Variants in TRIP10 observed in about 807,000 individuals in gnomAD.
TRIP10 encodes cdc42-interacting protein 4.
In TRIP10, 54 loss-of-function variants were observed where a neutral mutation model predicts 80.9. The ratio of observed to expected loss-of-function variants is 0.67; its 90% CI spans 0.54 to 0.84. The LOEUF (loss-of-function observed/expected upper bound fraction) is 0.84, where lower values mean the gene tolerates loss of function less well. Among genes scored for constraint, TRIP10 ranks in the 40% least tolerant of loss-of-function variants. The pLI, the probability that TRIP10 is intolerant of heterozygous loss-of-function variation, is 0.00. For missense variants in TRIP10, 773 were observed against 815.3 expected (o/e 0.95, Z 0.63); for synonymous variants, 321 against 307.2 (o/e 1.04, Z -0.47).
chr19:6,746,207 C>G lies in TRIP10; in HGVS notation c.1152+11C>G. 1 of 1,518,388 alleles carries G rather than the reference C, an allele frequency of 6.6e-7. No individual in the cohort carries two copies. The highest frequency in any genetic ancestry group is 1.4e-5 in the African/African-American group (1 of 72,394). The allele number at this position is 1,518,388 out of a possible 1,614,324, so 94.1% of individuals were successfully genotyped here. A position where few individuals can be genotyped will look rare whatever the true frequency, so the allele number is the denominator to read the frequency against. Reference sequence around the variant, plus strand: ...CGAGGCAGCCGTGGGGTAAGTGAGGCCTCGGGGCAGGAGGAGGTGGTGGCC... The same window carrying G: ...CGAGGCAGCCGTGGGGTAAGTGAGGGCTCGGGGCAGGAGGAGGTGGTGGCC... On this transcript the variant is annotated intron_variant, in intron 10 of 14. Transcript: ENST00000313244. The surrounding 1 kb of genome is among the most constrained non-coding windows in gnomAD (Gnocchi z 6.2).
At position 6,745,150 on chromosome 19, in the gene TRIP10, C is replaced by T. The variant is rs1012679478; in HGVS notation, c.984+156C>T. The T allele has an allele frequency of 1.1e-4, 120 of 1,114,278 alleles. 1 individual carries two copies. The highest frequency in any genetic ancestry group is 1.3e-4 in the Non-Finnish European group (104 of 811,004). The allele number at this position is 1,114,278 out of a possible 1,614,324, so 69.0% of individuals were successfully genotyped here. A position where few individuals can be genotyped will look rare whatever the true frequency, so the allele number is the denominator to read the frequency against. The stretch of plus-strand genomic sequence containing the variant: ...CCGGACTGGAGGGAAGGAAGGCGGC[C>T]GATTGGCCTGGGAGTCCCCCGAGGC... On this transcript the variant is annotated intron_variant, in intron 9 of 14. Transcript: ENST00000313244. This position sits in a 1 kb window ranked among gnomAD's most constrained non-coding sequence, Gnocchi z 7.2.
Position 6,746,096 on chromosome 19 carries a change from C to G in TRIP10, c.1052C>G (p.Ser351Cys). 1.9e-6 allele frequency: 3 copies of G among 1,541,718 alleles called. No individual in the cohort carries two copies. The highest frequency in any genetic ancestry group is 2.6e-6 in the Non-Finnish European group (3 of 1,143,028). The change falls in exon 10 of 15, where the codon TCC becomes TGC. Residue 351 changes from serine to cysteine, a missense_variant. Ser to Cys is a moderately radical substitution (Grantham distance 112, BLOSUM62 -1). Coordinates refer to ENST00000313244, the MANE Select transcript of TRIP10 (RefSeq NM_001288962.2). The surrounding 1 kb of genome is among the most constrained non-coding windows in gnomAD (Gnocchi z 6.2). ...VPSALPNGPP[S>C]PRSGRDPLAI... ...TCGGCATTGCCTAACGGACCCCCGT[C>G]CCCCCGCTCCGGCCGTGACCCCTTG...
In TRIP10 at chr19:6,744,578, A is replaced by G. The variant is rs751221420; in HGVS notation, c.667A>G (p.Arg223Gly). Residue 223 changes from arginine (R) to glycine (G), a missense_variant, in exon 8 of 15, where the codon AGG (arginine) becomes GGG (glycine). Transcript: ENST00000313244. This position sits in a 1 kb window ranked among gnomAD's most constrained non-coding sequence, Gnocchi z 4.9. ...FDKLQDMDERRATRLGAGYGL... is the reference protein window; with the variant it reads ...FDKLQDMDERGATRLGAGYGL... ...GAAGCTCCAAGACATGGATGAACGC[A>G]GGGCCACCCGCCTGGGTGCCGGGTA... The G allele has an allele frequency of 1.9e-6, 3 of 1,614,174 alleles. No homozygotes were observed. The Admixed American group carries it at 5.0e-5, about 27-fold the overall frequency.
intron 11 of TRIP10, 101 bp from the exon 12 acceptor site, chr19:6,749,831 AAG>A: frequency 1.4e-6 from 2 of 1,476,668 alleles, no homozygotes; most frequent in South Asian, 2.6e-5. Context: ...AGCCTGGGGA[AAG>A]AGTCAGAATG....
rs1186650750 is a variant in TRIP10, at chr19:6,750,285, C to A, written c.1396-7C>A. The stretch of plus-strand genomic sequence containing the variant: ...CCTGGAACGATTTTCCTGTCCCCTC[C>A]TCCCAGGCGTGGCTGGCAGAAGCTG... On this transcript the variant is annotated splice_polypyrimidine_tract_variant and splice_region_variant and intron_variant, in intron 12 of 14. Transcript: ENST00000313244. 6.2e-7 allele frequency: 1 copy of A among 1,613,740 alleles called. No individual in the cohort carries two copies. The highest frequency in any genetic ancestry group is 1.3e-5 in the African/African-American group (1 of 74,926).
Position 6,750,276 on chromosome 19 carries a change from T to C in TRIP10, c.1396-16T>C, listed in dbSNP as rs1229559716. 18 of 1,613,420 alleles carry C rather than the reference T, an allele frequency of 1.1e-5. No homozygotes were observed. The highest frequency in any genetic ancestry group is 1.7e-5 in the Admixed American group (1 of 59,944). On this transcript the variant is annotated splice_polypyrimidine_tract_variant and intron_variant, in intron 12 of 14. Transcript: ENST00000313244. Reference sequence around the variant, plus strand: ...GAGCTCTGCCCTGGAACGATTTTCCTGTCCCCTCCTCCCAGGCGTGGCTGG... The same window carrying C: ...GAGCTCTGCCCTGGAACGATTTTCCCGTCCCCTCCTCCCAGGCGTGGCTGG...
chr19:6,751,012 T>A (rs530724847), intron 14 of TRIP10, 51 bp from the exon 15 acceptor site: 5 of 1,463,294 alleles, frequency 3.4e-6, no homozygotes, highest in Non-Finnish European at 4.5e-6. Flanking sequence ...AAAATAAAAA[T>A]AATAAATTTT....
Position 6,746,252 on chromosome 19 carries a change from G to A in TRIP10, c.1152+56G>A, listed in dbSNP as rs1027261785. 30 of 1,484,070 alleles carry A rather than the reference G, an allele frequency of 2.0e-5. No individual in the cohort carries two copies. The highest frequency in any genetic ancestry group is 5.4e-6 in the Non-Finnish European group (6 of 1,111,622). 91.9% of individuals were successfully genotyped at this position (1,484,070 alleles called of 1,614,324 possible). A position where few individuals can be genotyped will look rare whatever the true frequency, so the allele number is the denominator to read the frequency against. ...GTGGCCCTAGCCTGCCCAGCGGCGGGTGGCGGGACCCTGGGCTCGCTTCCT... is the reference window on the plus strand; with the variant it reads ...GTGGCCCTAGCCTGCCCAGCGGCGGATGGCGGGACCCTGGGCTCGCTTCCT... On this transcript the variant is annotated intron_variant, in intron 10 of 14. Transcript: ENST00000313244. The surrounding 1 kb of genome is among the most constrained non-coding windows in gnomAD (Gnocchi z 6.2).
intron 1 of TRIP10, chr19:6,740,758 G>A (rs188935319): frequency 5.8e-6 from 3 of 518,134 alleles, no homozygotes; most frequent in African/African-American, 1.9e-5. Flanking sequence ...GCGGTCCTAT[G>A]TCGGAGACCT....
intron 11 of TRIP10, 79 bp from the exon 12 acceptor site, chr19:6,749,855 C>CAAACA (rs1349707360): frequency 4.5e-6 from 7 of 1,553,730 alleles, no homozygotes; most frequent in East Asian, 4.5e-5. Flanking sequence ...GACCCTGACT[C>CAAACA]AAACAAAACA....
Position 6,751,495 on chromosome 19 carries a change from AAG to A in TRIP10, c.*286_*287del, listed in dbSNP as rs1272826014. The A allele has an allele frequency of 1.2e-5, 8 of 676,558 alleles. No individual in the cohort carries two copies. The Admixed American group carries it at 1.3e-4, about 11-fold the overall frequency. The allele number at this position is 676,558 out of a possible 1,614,324, so 41.9% of individuals were successfully genotyped here. A position where few individuals can be genotyped will look rare whatever the true frequency, so the allele number is the denominator to read the frequency against. On this transcript the variant is annotated 3_prime_UTR_variant, in exon 15 of 15. Transcript: ENST00000313244. Reference sequence around the variant, plus strand: ...TTATACAAAAATGGGAAAAAAAAAAAAGAAATTATATAAAGTTCCTAGAGTCG... The same window carrying A: ...TTATACAAAAATGGGAAAAAAAAAAAAAATTATATAAAGTTCCTAGAGTCG...
At position 6,742,955 on chromosome 19, in the gene TRIP10, A is replaced by T. The variant is rs778109555; in HGVS notation, c.198-12A>T. The T allele has an allele frequency of 1.2e-6, 2 of 1,613,424 alleles. No individual in the cohort carries two copies. The highest frequency in any genetic ancestry group is 1.7e-6 in the Non-Finnish European group (2 of 1,179,842). On this transcript the variant is annotated splice_polypyrimidine_tract_variant and intron_variant, in intron 3 of 14. Coordinates refer to ENST00000313244, the MANE Select transcript of TRIP10 (RefSeq NM_001288962.2). ...CCTGACTCCCTGTTCCCCGATTCTC[A>T]TCCAACCCCAGATTCAGCCAGCAAC... is the stretch of plus-strand genomic sequence containing the variant.
At chr19:6,747,962 A>G (rs1478837759) in intron 11 of TRIP10, among the ~76,000 whole-genome samples, 1 of 141,058 alleles carries the variant, frequency 7.1e-6, no homozygotes, top group South Asian at 2.2e-4. Context: ...AAGAAGAAAA[A>G]CCCAAGTAAA....
chr19:6,746,197 G>A lies in TRIP10; in HGVS notation c.1152+1G>A. Reference sequence around the variant, plus strand: ...CCGCAGCCTTCGAGGCAGCCGTGGGGTAAGTGAGGCCTCGGGGCAGGAGGA... The same window carrying A: ...CCGCAGCCTTCGAGGCAGCCGTGGGATAAGTGAGGCCTCGGGGCAGGAGGA... On this transcript the variant is annotated splice_donor_variant, in intron 10 of 14. Transcript: ENST00000313244. LOFTEE classifies it high-confidence loss of function. This position sits in a 1 kb window ranked among gnomAD's most constrained non-coding sequence, Gnocchi z 6.2. 1 of 1,528,956 alleles carries A rather than the reference G, an allele frequency of 6.5e-7. No homozygotes were observed. The highest frequency in any genetic ancestry group is 8.8e-7 in the Non-Finnish European group (1 of 1,134,170). 94.7% of individuals were successfully genotyped at this position (1,528,956 alleles called of 1,614,324 possible).
intron 1 of TRIP10, chr19:6,740,634 A>C (rs1599556188): frequency 1.4e-5 from 3 of 209,864 alleles, no homozygotes; most frequent in East Asian, 1.2e-4. Flanking sequence ...TCTGCCAGGA[A>C]CCCTGCCCCT....
chr19:6,743,615 C>CGGGGGGGGGGGGGGGGGGG lies in TRIP10; in HGVS notation c.513+27_513+28insGGGGGGGGGGGGGGGGGGG. 4 of 770,128 alleles carry CGGGGGGGGGGGGGGGGGGG rather than the reference C, an allele frequency of 5.2e-6. No homozygotes were observed. Among genetic ancestry groups the CGGGGGGGGGGGGGGGGGGG allele is most frequent in the African/African-American group, 2.7e-5 (1 of 37,078 alleles). 47.7% of individuals were successfully genotyped at this position (770,128 alleles called of 1,614,324 possible). A position where few individuals can be genotyped will look rare whatever the true frequency, so the allele number is the denominator to read the frequency against. On this transcript the variant is annotated intron_variant, in intron 6 of 14. Transcript: ENST00000313244. Reference sequence around the variant, plus strand: ...GTGGAGAAGGTGTGTGTGGCGGGGGCGGGGGGGGGGTGCGGGGTCTGGGAC... The same window carrying CGGGGGGGGGGGGGGGGGGG: ...GTGGAGAAGGTGTGTGTGGCGGGGGCGGGGGGGGGGGGGGGGGGGGGGGGGGGGGTGCGGGGTCTGGGAC...
chr19:6,745,147 G>A lies in TRIP10; in HGVS notation c.984+153G>A, dbSNP rs568840215. The A allele has an allele frequency of 8.2e-4, 837 of 1,023,080 alleles. 3 individuals carry two copies. Among genetic ancestry groups the A allele is most frequent in the Middle Eastern group, 2.3e-3 (7 of 3,096 alleles). 63.4% of individuals were successfully genotyped at this position (1,023,080 alleles called of 1,614,324 possible). A position where few individuals can be genotyped will look rare whatever the true frequency, so the allele number is the denominator to read the frequency against. ...AGCCCGGACTGGAGGGAAGGAAGGC[G>A]GCCGATTGGCCTGGGAGTCCCCCGA... On this transcript the variant is annotated intron_variant, in intron 9 of 14. Transcript: ENST00000313244. The surrounding 1 kb of genome is among the most constrained non-coding windows in gnomAD (Gnocchi z 7.2).
chr19:6,743,062 T>C lies in TRIP10; in HGVS notation c.293T>C (p.Val98Ala). The change falls in exon 4 of 15, where the codon GTA becomes GCA. Residue 98 changes from valine to alanine, a missense_variant. Physicochemically the swap from Val to Ala is moderately conservative, Grantham distance 64. Transcript: ENST00000313244. ...GTGGCTGAGAACCTCAGTGTCCGTG[T>C]ATGTCTTGAGCTGACCAAGTACTCA... ...ELVAENLSVR[V>A]CLELTKYSQE... The C allele has an allele frequency of 6.2e-7, 1 of 1,614,202 alleles. No individual in the cohort carries two copies. The highest frequency in any genetic ancestry group is 1.3e-5 in the African/African-American group (1 of 75,046).
chr19:6,744,866 G>T lies in TRIP10; in HGVS notation c.856G>T (p.Asp286Tyr), dbSNP rs1969056358. ...CCGCCCGGGCGACGTGGAATTCGAG[G>T]ACTTCAGCCAGCCCATGAACCGTGC... ...FARPGDVEFE[D>Y]FSQPMNRAPS... The change falls in exon 9 of 15, where the codon GAC becomes TAC. Residue 286 changes from aspartate (D) to tyrosine (Y), a missense_variant. By Grantham distance (160) the Asp-to-Tyr change is radical. Coordinates refer to ENST00000313244, the MANE Select transcript of TRIP10 (RefSeq NM_001288962.2). This position sits in a 1 kb window ranked among gnomAD's most constrained non-coding sequence, Gnocchi z 4.9. 1 of 1,614,106 alleles carries T rather than the reference G, an allele frequency of 6.2e-7. No homozygotes were observed. The highest frequency in any genetic ancestry group is 8.5e-7 in the Non-Finnish European group (1 of 1,180,050).
Sources: allele counts gnomAD v4.1 joint callset (sites outside exome capture counted in the v4.1 genomes callset), GRCh38; gene constraint gnomAD v4.1.1; non-coding constraint Gnocchi (gnomAD v3.1); transcripts MANE v1.5; gene names NCBI Gene and HGNC (gene_info 2026-07-23, HGNC 2026-07-21).